Variants in SLC37A1 observed in about 807,000 individuals in gnomAD.
SLC37A1 encodes glucose-6-phosphate exchanger SLC37A1.
A neutral mutation model predicts 75.3 loss-of-function variants in SLC37A1; 49 were observed. That is an observed-to-expected ratio of 0.65 (90% CI 0.52 to 0.83). SLC37A1 has a LOEUF of 0.83. Among genes scored for constraint, SLC37A1 ranks in the 40% least tolerant of loss-of-function variants. SLC37A1 has a pLI of 0.00. For missense variants in SLC37A1, 566 were observed against 695.0 expected (o/e 0.81, Z 2.09); for synonymous variants, 268 against 292.1 (o/e 0.92, Z 0.84).
upstream of SLC37A1, among the ~76,000 whole-genome samples, chr21:42,511,129 A>C (rs188640817): frequency 7.0e-4 from 106 of 152,386 alleles, 1 homozygote; most frequent in Non-Finnish European, 5.9e-5. Context: ...GATTAAAATC[A>C]TATCAAGTAT....
chr21:42,578,655 G>A lies in SLC37A1; in HGVS notation c.1522-1081G>A, dbSNP rs537851975. Reference sequence around the variant, plus strand: ...TTGTTCGTACCTGCCGTGTTCCCACGACCTTTACCACCTAATTGTCGCAAA... The same window carrying A: ...TTGTTCGTACCTGCCGTGTTCCCACAACCTTTACCACCTAATTGTCGCAAA... On this transcript the variant is annotated intron_variant, in intron 18 of 19. Transcript: ENST00000352133. 2.6e-5 allele frequency among the ~76,000 whole-genome samples: 4 copies of A among 152,256 alleles called. No individual in the cohort carries two copies. In the South Asian group the frequency reaches 8.3e-4, roughly 32 times the overall value.
At chr21:42,533,698 G>T (rs931362799) in intron 3 of SLC37A1, among the ~76,000 whole-genome samples, 2 of 152,146 alleles carry the variant, frequency 1.3e-5, no homozygotes, top group Non-Finnish European at 2.9e-5. Context: ...CAAGGGCCGT[G>T]TCATCCTAAG....
chr21:42,566,117 G>A (rs2055970686), intron 15 of SLC37A1, among the ~76,000 whole-genome samples: 1 of 152,238 alleles, frequency 6.6e-6, no homozygotes, highest in Non-Finnish European at 1.5e-5. Context: ...TGCAAGCCTG[G>A]TCTGGGGCAG....
chr21:42,558,358 A>C (rs1015891623), intron 10 of SLC37A1, among the ~76,000 whole-genome samples: 2 of 152,264 alleles, frequency 1.3e-5, no homozygotes, highest in African/African-American at 4.8e-5. Context: ...CTCCTAAAAA[A>C]TGCAGGATCA....
At chr21:42,573,356 T>C (rs183796582) in intron 17 of SLC37A1, among the ~76,000 whole-genome samples, 61 of 152,124 alleles carry the variant, frequency 4.0e-4, no homozygotes, top group African/African-American at 1.4e-3. Context: ...CCCCTGTCTC[T>C]TGGGCTCCGC....
intron 3 of SLC37A1, among the ~76,000 whole-genome samples, chr21:42,530,231 A>G (rs2054913080): frequency 6.6e-6 from 1 of 152,226 alleles, no homozygotes; most frequent in Non-Finnish European, 1.5e-5. Flanking sequence ...AAGGATGTAT[A>G]GAATGATTCC....
chr21:42,577,674 T>C (rs2056337322), intron 18 of SLC37A1, among the ~76,000 whole-genome samples: 1 of 151,936 alleles, frequency 6.6e-6, no homozygotes, highest in African/African-American at 2.4e-5. Flanking sequence ...AATACAGAAA[T>C]ACAGAGCAAC....
chr21:42,569,312 G>C (rs1029561531), intron 17 of SLC37A1, among the ~76,000 whole-genome samples: 1 of 152,210 alleles, frequency 6.6e-6, no homozygotes, highest in Non-Finnish European at 1.5e-5. Flanking sequence ...GGTGCCAGCA[G>C]GCTGGAAACA....
At chr21:42,541,948 C>T (rs764614863) in intron 6 of SLC37A1, among the ~76,000 whole-genome samples, 9 of 152,120 alleles carry the variant, frequency 5.9e-5, no homozygotes, top group Non-Finnish European at 1.3e-4. Flanking sequence ...CTCTATATTG[C>T]CCAGGCTGGT....
chr21:42,517,141 G>A (rs746677089), intron 1 of SLC37A1, among the ~76,000 whole-genome samples: 2 of 152,194 alleles, frequency 1.3e-5, no homozygotes, highest in Non-Finnish European at 2.9e-5. Context: ...AGTGTTTGTT[G>A]CGCATTTACT....
chr21:42,527,749 T>C (rs1246488455), intron 3 of SLC37A1, among the ~76,000 whole-genome samples: 1 of 152,186 alleles, frequency 6.6e-6, no homozygotes, highest in African/African-American at 2.4e-5. Context: ...AGTCCCAGCA[T>C]CACCCTCAGA....
chr21:42,566,920 G>A, intron 15 of SLC37A1, 65 bp from the exon 16 acceptor site: 1 of 1,535,612 alleles, frequency 6.5e-7, no homozygotes. Context: ...ACCTCAGGCT[G>A]CTCCTATGCA....
intron 9 of SLC37A1, among the ~76,000 whole-genome samples, chr21:42,549,328 C>A (rs1236264483): frequency 6.6e-6 from 1 of 152,180 alleles, no homozygotes; most frequent in African/African-American, 2.4e-5. Context: ...TATGAGAGCT[C>A]ATCTAGGCGA....
At chr21:42,535,408 C>A in intron 4 of SLC37A1, 64 bp from the exon 5 acceptor site, 2 of 1,390,498 alleles carry the variant, frequency 1.4e-6, no homozygotes, top group Non-Finnish European at 2.0e-6. Flanking sequence ...TGTTTTATAG[C>A]CGTGCTCTAG....
At chr21:42,570,078 ATGC>A in intron 17 of SLC37A1, among the ~76,000 whole-genome samples, 1 of 113,052 alleles carries the variant, frequency 8.8e-6, no homozygotes, top group African/African-American at 2.8e-5. Context: ...TTGCCATGTC[ATGC>A]GACACACGGC....
At chr21:42,562,315 A>G (rs2146982878) in intron 12 of SLC37A1, 147 bp downstream of exon 12, 2 of 687,962 alleles carry the variant, frequency 2.9e-6, no homozygotes, top group South Asian at 3.6e-5. Flanking sequence ...ACTATGATGA[A>G]ACATAGGCTA....
chr21:42,574,947 T>C (rs1287897900), intron 18 of SLC37A1, 32 bp downstream of exon 18: 3 of 1,613,108 alleles, frequency 1.9e-6, no homozygotes, highest in East Asian at 4.5e-5. Context: ...CCAATCCACC[T>C]TGAATGCAGA....
At chr21:42,536,324 T>C (rs1331955862) in intron 5 of SLC37A1, among the ~76,000 whole-genome samples, 1 of 152,230 alleles carries the variant, frequency 6.6e-6, no homozygotes, top group Non-Finnish European at 1.5e-5. Context: ...TTAATGTATG[T>C]AGAAGCTCAC....
chr21:42,515,426 G>A (rs990801635), intron 1 of SLC37A1, among the ~76,000 whole-genome samples: 1 of 152,122 alleles, frequency 6.6e-6, no homozygotes, highest in Non-Finnish European at 1.5e-5. Flanking sequence ...TTGATTATGT[G>A]TAATGCCACC....
Sources: allele counts gnomAD v4.1 joint callset (sites outside exome capture counted in the v4.1 genomes callset), GRCh38; gene constraint gnomAD v4.1.1; transcripts MANE v1.5; gene names NCBI Gene and HGNC (gene_info 2026-07-23, HGNC 2026-07-21).